Variants in SNTG2 observed in about 807,000 individuals in gnomAD.
SNTG2 encodes the protein gamma-2-syntrophin.
Under a neutral mutation model 70.9 loss-of-function variants are expected in SNTG2, and 74 were observed. The ratio of observed to expected loss-of-function variants is 1.04; its 90% CI spans 0.86 to 1.27. SNTG2 has a LOEUF of 1.27. Ranked by LOEUF, SNTG2 falls within the 50% of genes most tolerant of loss-of-function variation. SNTG2 has a pLI of 0.00. For synonymous variants in SNTG2, 278 were observed against 273.8 expected, an observed-to-expected ratio of 1.02 and a Z score of -0.15; for missense variants, 717 against 690.7, an observed-to-expected ratio of 1.04 and a Z score of -0.43.
At chr2:1,196,962 A>C (rs1672946773) in intron 8 of SNTG2, among the ~76,000 whole-genome samples, 1 of 152,194 alleles carries the variant, frequency 6.6e-6, no homozygotes, top group Non-Finnish European at 1.5e-5. Flanking sequence ...TAGAGCAGAC[A>C]AGTAAATGAA....
intron 2 of SNTG2, among the ~76,000 whole-genome samples, chr2:1,090,691 T>C (rs1652628712): frequency 6.6e-6 from 1 of 152,026 alleles, no homozygotes; most frequent in African/African-American, 2.4e-5. Context: ...TCCTTCGGGG[T>C]GGGCTGTCTG....
chr2:1,175,683 T>C (rs28593255), intron 8 of SNTG2, among the ~76,000 whole-genome samples: 47,861 of 152,052 alleles, frequency 0.31, 8,116 homozygotes, highest in East Asian at 0.65. Context: ...TGCAACACCC[T>C]GTCCCCCAAG....
intron 1 of SNTG2, among the ~76,000 whole-genome samples, chr2:1,073,540 A>G (rs1010992336): frequency 2.6e-5 from 4 of 152,216 alleles, no homozygotes; most frequent in Non-Finnish European, 4.4e-5. Flanking sequence ...TTTTATATGC[A>G]CTGGGAAACC....
intron 1 of SNTG2, among the ~76,000 whole-genome samples, chr2:1,045,025 G>A (rs1249059310): frequency 2.0e-5 from 3 of 149,920 alleles, no homozygotes; most frequent in Non-Finnish European, 4.5e-5. Flanking sequence ...GCTTTTTCTG[G>A]TCAGTTTTTT....
intron 16 of SNTG2, among the ~76,000 whole-genome samples, chr2:1,364,532 A>G (rs13403358): frequency 0.72 from 108,022 of 149,926 alleles, 39,211 homozygotes; most frequent in East Asian, 0.94. Context: ...CGGTGCTGGC[A>G]GATCACGAGG....
chr2:1,265,568 C>A (rs147046965), intron 13 of SNTG2, among the ~76,000 whole-genome samples: 2 of 152,320 alleles, frequency 1.3e-5, no homozygotes, highest in African/African-American at 2.4e-5. Context: ...GGCATCCCCC[C>A]GGAGAGTCCA....
intron 1 of SNTG2, among the ~76,000 whole-genome samples, chr2:952,713 A>G (rs1660016989): frequency 1.3e-5 from 2 of 152,214 alleles, no homozygotes. Context: ...GAGCATTTTA[A>G]GAGCAAGACT....
chr2:1,303,804 T>G (rs180999678), intron 14 of SNTG2, among the ~76,000 whole-genome samples: 35 of 152,310 alleles, frequency 2.3e-4, no homozygotes, highest in Admixed American at 2.1e-3. Flanking sequence ...TGTGTAAACT[T>G]CGACAGGATA....
At chr2:1,174,074 C>T (rs28571070) in intron 8 of SNTG2, among the ~76,000 whole-genome samples, 51,442 of 151,950 alleles carry the variant, frequency 0.34, 9,179 homozygotes, top group East Asian at 0.66. Flanking sequence ...AATTGAGCTC[C>T]TGAAATTAAA....
intron 12 of SNTG2, among the ~76,000 whole-genome samples, chr2:1,253,551 A>G (rs900145116): frequency 6.6e-6 from 1 of 152,208 alleles, no homozygotes; most frequent in Non-Finnish European, 1.5e-5. Flanking sequence ...AAAGATTATC[A>G]TGGCAACTTA....
chr2:1,003,373 G>A (rs974747450), intron 1 of SNTG2, among the ~76,000 whole-genome samples: 3 of 152,220 alleles, frequency 2.0e-5, no homozygotes, highest in African/African-American at 4.8e-5. Flanking sequence ...CAAAGTGCAT[G>A]TCTGGGTGAC....
chr2:1,267,620 G>A, intron 14 of SNTG2, 49 bp downstream of exon 14: 3 of 1,521,416 alleles, frequency 2.0e-6, no homozygotes, highest in Admixed American at 3.4e-5. Flanking sequence ...TCGGGTGTCT[G>A]AGACATAGCA....
At position 1,189,131 on chromosome 2, in the gene SNTG2, A is replaced by T. The variant is rs1171657167; in HGVS notation, c.591+15948A>T. The stretch of plus-strand genomic sequence containing the variant: ...ATGTGACAGCATATAAGATAACATA[A>T]AAAGTCAACTACAATTATATTCAAA... On this transcript the variant is annotated intron_variant, in intron 8 of 16. Transcript: ENST00000308624. Among the ~76,000 whole-genome samples the T allele has an allele frequency of 3.9e-5, 6 of 152,190 alleles. No individual in the cohort carries two copies. In the East Asian group the frequency reaches 1.2e-3, roughly 29 times the overall value.
chr2:1,248,189 C>G (rs1677548199), intron 12 of SNTG2, among the ~76,000 whole-genome samples: 1 of 152,168 alleles, frequency 6.6e-6, no homozygotes. Flanking sequence ...GACAGTAATA[C>G]CCTGCCTGTC....
intron 1 of SNTG2, among the ~76,000 whole-genome samples, chr2:1,039,025 A>G (rs1039409316): frequency 3.3e-5 from 5 of 152,212 alleles, no homozygotes; most frequent in African/African-American, 1.2e-4. Flanking sequence ...GTAAGTTCAT[A>G]TGGAGTGTGC....
intron 16 of SNTG2, among the ~76,000 whole-genome samples, chr2:1,334,713 C>G (rs1291110165): frequency 6.6e-6 from 1 of 152,080 alleles, no homozygotes; most frequent in African/African-American, 2.4e-5. Context: ...ATATCACGTT[C>G]TCATTCATAA....
At chr2:1,162,541 A>G (rs551114168) in intron 6 of SNTG2, among the ~76,000 whole-genome samples, 13 of 152,152 alleles carry the variant, frequency 8.5e-5, no homozygotes, top group African/African-American at 3.1e-4. Flanking sequence ...ACTTGCTGGG[A>G]GGTGGCTGGA....
In SNTG2 at chr2:1,238,037, G is replaced by T; in HGVS notation, c.849+20G>T. 6.2e-7 allele frequency: 1 copy of T among 1,600,872 alleles called. No individual in the cohort carries two copies. The highest frequency in any genetic ancestry group is 8.5e-7 in the Non-Finnish European group (1 of 1,172,298). On this transcript the variant is annotated intron_variant, in intron 10 of 16. Coordinates refer to ENST00000308624, the MANE Select transcript of SNTG2 (RefSeq NM_018968.4). ...CAGAACGTGAGCACACGGTGTTTCT[G>T]AGTCTCTGCTGATGCTCATTCGTGC... is the stretch of plus-strand genomic sequence containing the variant.
At chr2:1,124,183 C>T (rs547147239) in intron 4 of SNTG2, among the ~76,000 whole-genome samples, 1 of 152,236 alleles carries the variant, frequency 6.6e-6, no homozygotes, top group Non-Finnish European at 1.5e-5. Flanking sequence ...AGCTTGCTTT[C>T]ATTATCCCAT....
Sources: gnomAD v4.1 joint callset for allele counts (sites outside exome capture counted in the v4.1 genomes callset) on GRCh38, gnomAD v4.1.1 for gene constraint, MANE v1.5 for transcripts, NCBI Gene and HGNC (gene_info 2026-07-23, HGNC 2026-07-21) for gene names.